The following RSPH10B2 variants were observed in gnomAD, a reference collection of about 807,000 sequenced individuals.
RSPH10B2 encodes radial spoke head 10 homolog B2, also known as radial spoke head 10 homolog B2 (Chlamydomonas).
A neutral mutation model predicts 49.0 loss-of-function variants in RSPH10B2; 9 were observed. That is an observed-to-expected ratio of 0.18 (90% confidence interval 0.11 to 0.32). The LOEUF (loss-of-function observed/expected upper bound fraction) is 0.32. Among genes scored for constraint, RSPH10B2 ranks in the 10% least tolerant of loss-of-function variants. The probability of loss-of-function intolerance (pLI) is 1.00; values close to 1 mark genes in which losing one functional copy is unlikely to be tolerated. For missense variants in RSPH10B2, 95 were observed against 589.9 expected, an observed-to-expected ratio of 0.16 and a Z score of 8.69; for synonymous variants, 35 against 210.2, an observed-to-expected ratio of 0.17 and a Z score of 7.21.
At chr7:6,756,142 T>C (rs1347397022), upstream of RSPH10B2, among the ~76,000 whole-genome samples, 1,430 of 141,238 alleles carry the variant, frequency 0.01, 9 homozygotes, top group Middle Eastern at 0.014. Flanking sequence ...TGGTGGTGGG[T>C]GCCTGTAGTC....
intron 18 of RSPH10B2, among the ~76,000 whole-genome samples, chr7:6,797,210 G>C (rs1361478588): frequency 2.1e-5 from 3 of 143,446 alleles, no homozygotes; most frequent in Non-Finnish European, 3.1e-5. Flanking sequence ...GGTTTCACCA[G>C]GTTGTCCAGG....
At chr7:6,794,178 C>T (rs1782475752) in intron 17 of RSPH10B2, 1 of 163,402 alleles carries the variant, frequency 6.1e-6, no homozygotes, top group Non-Finnish European at 1.3e-5. Context: ...TGCTAGGCAT[C>T]TTGGTGGGCT....
At chr7:6,786,340 G>A (rs1280550343) in intron 14 of RSPH10B2, among the ~76,000 whole-genome samples, 1 of 113,506 alleles carries the variant, frequency 8.8e-6, no homozygotes, top group Non-Finnish European at 1.7e-5. Flanking sequence ...CCGCCACCAC[G>A]CCCGGCTAAT....
chr7:6,780,725 T>C, intron 11 of RSPH10B2, 84 bp from the exon 14 acceptor site: 1 of 1,268,098 alleles, frequency 7.9e-7, no homozygotes, highest in Non-Finnish European at 1.0e-6. Flanking sequence ...AATTATTAAG[T>C]CTAGCCCGTG....
At chr7:6,752,155 C>T (rs1583485894), upstream of RSPH10B2, among the ~76,000 whole-genome samples, 1 of 150,520 alleles carries the variant, frequency 6.6e-6, no homozygotes, top group South Asian at 2.1e-4. Context: ...GGATTCTCTG[C>T]CCGGCTGGAA....
In RSPH10B2 at chr7:6,758,430, C is replaced by T. The variant is rs1374393124; in HGVS notation, c.254+499C>T. On this transcript the variant is annotated intron_variant, in intron 1 of 18. Transcript: ENST00000297186. ...AAATAGCAAACATACAGCCCCATGG[C>T]GTGTGTATATATAGAGTTTATTGTG... Among the ~76,000 whole-genome samples, 9 of 147,034 alleles carry T rather than the reference C, an allele frequency of 6.1e-5. 1 individual carries two copies. The highest frequency in any genetic ancestry group is 7.5e-5 in the Non-Finnish European group (5 of 66,390).
At position 6,767,121 on chromosome 7, in the gene RSPH10B2, C is replaced by T. The variant is rs1419419068; in HGVS notation, c.780+244C>T. Reference sequence around the variant, plus strand: ...CTGAGATTACAGGTACCCACCACCACCACGGCCGGGCTAATTGTTTTTTTT... The same window carrying T: ...CTGAGATTACAGGTACCCACCACCATCACGGCCGGGCTAATTGTTTTTTTT... On this transcript the variant is annotated intron_variant, in intron 6 of 18. Coordinates refer to ENST00000297186, the Ensembl canonical transcript of RSPH10B2. 4.4e-3 allele frequency among the ~76,000 whole-genome samples: 88 copies of T among 19,866 alleles called. 1 individual carries two copies. Among genetic ancestry groups the T allele is most frequent in the African/African-American group, 0.015 (85 of 5,668 alleles). 13.0% of individuals were successfully genotyped at this position (19,866 alleles called of 152,430 possible).
chr7:6,756,104 T>TA (rs779682452), upstream of RSPH10B2, among the ~76,000 whole-genome samples: 6 of 150,064 alleles, frequency 4.0e-5, no homozygotes, highest in Non-Finnish European at 1.5e-5. Flanking sequence ...CCGTCTCTAC[T>TA]AAAAATACAA....
chr7:6,783,282 G>A (rs528022360), intron 13 of RSPH10B2, among the ~76,000 whole-genome samples: 6 of 115,422 alleles, frequency 5.2e-5, no homozygotes, highest in East Asian at 5.3e-4. Flanking sequence ...CGCCCGTGTC[G>A]GACTCCCAAA....
chr7:6,756,152 C>A (rs1235572005), upstream of RSPH10B2, among the ~76,000 whole-genome samples: 2 of 145,692 alleles, frequency 1.4e-5, no homozygotes, highest in Non-Finnish European at 3.0e-5. Flanking sequence ...TGCCTGTAGT[C>A]CCAGCTACTC....
At chr7:6,769,619 C>T (rs1781564323) in intron 7 of RSPH10B2, among the ~76,000 whole-genome samples, 1 of 111,316 alleles carries the variant, frequency 9.0e-6, no homozygotes, top group Admixed American at 9.5e-5. Flanking sequence ...GACAGAGTTT[C>T]GCTCTGTTGC....
At chr7:6,797,329 A>G (rs1481723472) in intron 18 of RSPH10B2, among the ~76,000 whole-genome samples, 8 of 149,814 alleles carry the variant, frequency 5.3e-5, no homozygotes, top group Admixed American at 1.4e-4. Flanking sequence ...TCTTGACCCA[A>G]GAGTTCAAAA....
upstream of RSPH10B2, chr7:6,752,920 T>TAGCC (rs1780935910): frequency 7.2e-6 from 1 of 138,062 alleles, no homozygotes; most frequent in Admixed American, 8.9e-5. Flanking sequence ...ATTTTTGTAT[T>TAGCC]TTTAGTAGAG....
chr7:6,767,006 C>T (rs1781480038), intron 6 of RSPH10B2, 129 bp downstream of exon 8: 1 of 826,060 alleles, frequency 1.2e-6, no homozygotes, highest in Non-Finnish European at 1.7e-6. Context: ...TGTCTGTCTC[C>T]CAGGCTGGAG....
intron 1 of RSPH10B2, among the ~76,000 whole-genome samples, chr7:6,758,236 TCCCAAA>T (rs1182466916): frequency 0.01 from 1,548 of 149,552 alleles, no homozygotes; most frequent in African/African-American, 0.037. Context: ...TGCCTCAGCC[TCCCAAA>T]GTGCTGGGAT....
chr7:6,796,584 C>T lies in RSPH10B2; in HGVS notation c.2250C>T (p.Pro750=), dbSNP rs1782575442. ...CTATTCCAGAGAAATATGAGAGACCCAAGGATGATCGAGAGGAAGAGTTCA... is the reference window on the plus strand; with the variant it reads ...CTATTCCAGAGAAATATGAGAGACCTAAGGATGATCGAGAGGAAGAGTTCA... Residue 750 remains proline (P), a synonymous_variant, in exon 18 of 19, where the codon CCC becomes CCT. Coordinates refer to ENST00000297186, the Ensembl canonical transcript of RSPH10B2. 2 of 1,206,772 alleles carry T rather than the reference C, an allele frequency of 1.7e-6. 1 individual carries two copies. Among genetic ancestry groups the T allele is most frequent in the Non-Finnish European group, 2.2e-6 (2 of 916,434 alleles). The allele number at this position is 1,206,772 out of a possible 1,614,324, so 74.8% of individuals were successfully genotyped here. A position where few individuals can be genotyped will look rare whatever the true frequency, so the allele number is the denominator to read the frequency against.
intron 7 of RSPH10B2, among the ~76,000 whole-genome samples, chr7:6,769,955 CGT>C (rs1487123411): frequency 9.3e-5 from 3 of 32,404 alleles, no homozygotes; most frequent in African/African-American, 1.8e-4. Flanking sequence ...TGTGTGTGTA[CGT>C]GTGTGTGTGT....
At chr7:6,783,303 T>G (rs1218708386) in intron 13 of RSPH10B2, among the ~76,000 whole-genome samples, 1 of 117,116 alleles carries the variant, frequency 8.5e-6, no homozygotes, top group Non-Finnish European at 1.7e-5. Flanking sequence ...GTGCTGGGAT[T>G]ACAGGCGTGA....
intron 10 of RSPH10B2, among the ~76,000 whole-genome samples, chr7:6,776,927 A>ACACACACAC (rs770227917): frequency 1.3e-4 from 17 of 128,924 alleles, no homozygotes; most frequent in Non-Finnish European, 1.7e-4. Flanking sequence ...ACACACACAC[A>ACACACACAC]AAAGGCAGGG....
Sources: gnomAD v4.1 joint callset for allele counts (sites outside exome capture counted in the v4.1 genomes callset) on GRCh38, gnomAD v4.1.1 for gene constraint, MANE v1.5 for transcripts, NCBI Gene and HGNC (gene_info 2026-07-23, HGNC 2026-07-21) for gene names.